The following KLHL36 variants were observed in gnomAD, a reference collection of about 807,000 sequenced individuals.
KLHL36 encodes the protein kelch like family member 36.
KLHL36 carries 35 observed loss-of-function variants against 53.3 expected under a neutral mutation model. The observed-to-expected ratio is 0.66, with a 90% CI of 0.50 to 0.87. KLHL36 has a LOEUF of 0.87. Ranked by LOEUF, KLHL36 falls within the 40% of genes least tolerant of loss-of-function variation. KLHL36 has a pLI of 0.00. For synonymous variants in KLHL36, 472 were observed against 398.9 expected (o/e 1.18, Z -2.18); for missense variants, 864 against 897.6 (o/e 0.96, Z 0.48).
rs777300951 is a variant in KLHL36, at chr16:84,657,318, A to G, written c.511A>G (p.Ile171Val). ...GCTTGATGCCTTCATCGATGGCTTC[A>G]TCCTGAACCACTTCGGCACGCTGTC... ...KRLDAFIDGF[I>V]LNHFGTLSFT... Residue 171 changes from isoleucine to valine, a missense_variant, in exon 3 of 5, where the codon ATC becomes GTC. Physicochemically the swap from Ile to Val is conservative, Grantham distance 29. Transcript: ENST00000564996. 6.2e-7 allele frequency: 1 copy of G among 1,613,768 alleles called. No individual in the cohort carries two copies. Among genetic ancestry groups the G allele is most frequent in the Non-Finnish European group, 8.5e-7 (1 of 1,180,034 alleles).
In KLHL36 at chr16:84,665,115, G is replaced by A. The variant is rs1005607445; in HGVS notation, c.*2982G>A. ...TTGAACCGCACAGTCACGAATGTGG[G>A]GTTTTAAACTAGAGTGATGAAGGCA... On this transcript the variant is annotated 3_prime_UTR_variant, in exon 5 of 5. Transcript: ENST00000564996. 1.3e-5 allele frequency: 2 copies of A among 152,184 alleles called. No homozygotes were observed. The highest frequency in any genetic ancestry group is 2.9e-5 in the Non-Finnish European group (2 of 68,038). The allele number at this position is 152,184 out of a possible 1,614,324, so 9.4% of individuals were successfully genotyped here. A position where few individuals can be genotyped will look rare whatever the true frequency, so the allele number is the denominator to read the frequency against.
At chr16:84,656,797 T>G in intron 2 of KLHL36, 74 bp from the exon 3 acceptor site, 1 of 1,010,110 alleles carries the variant, frequency 9.9e-7, no homozygotes, top group Non-Finnish European at 1.5e-6. Context: ...TTGAAAATGC[T>G]GGTCAGGACC....
intron 2 of KLHL36, among the ~76,000 whole-genome samples, chr16:84,651,681 AAT>A (rs1162927911): frequency 6.6e-6 from 1 of 152,136 alleles, no homozygotes; most frequent in Non-Finnish European, 1.5e-5. Flanking sequence ...ATGGATTCTC[AAT>A]GAGTATGATA....
At chr16:84,659,514 T>C (rs900459981) in intron 3 of KLHL36, 18 of 477,674 alleles carry the variant, frequency 3.8e-5, no homozygotes, top group Non-Finnish European at 6.8e-5. Flanking sequence ...GTTCAGAGCA[T>C]CTCCATCCCC....
At position 84,662,341 on chromosome 16, in the gene KLHL36, C is replaced by T; in HGVS notation, c.*208C>T. On this transcript the variant is annotated 3_prime_UTR_variant, in exon 5 of 5. Transcript: ENST00000564996. ...CTTGCTTGAATAACTAACCCTGGGCCCAGGCAGTGAGCAACCCCTTGTATC... is the reference window on the plus strand; with the variant it reads ...CTTGCTTGAATAACTAACCCTGGGCTCAGGCAGTGAGCAACCCCTTGTATC... 1 of 523,410 alleles carries T rather than the reference C, an allele frequency of 1.9e-6. No individual in the cohort carries two copies. Among genetic ancestry groups the T allele is most frequent in the Admixed American group, 3.4e-5 (1 of 29,650 alleles). 32.4% of individuals were successfully genotyped at this position (523,410 alleles called of 1,614,324 possible).
intron 2 of KLHL36, among the ~76,000 whole-genome samples, chr16:84,654,322 A>G (rs1242479610): frequency 6.6e-6 from 1 of 152,170 alleles, no homozygotes; most frequent in Admixed American, 6.5e-5. Flanking sequence ...CCTCCAGTCA[A>G]TGTCTGTAGA....
At position 84,657,233 on chromosome 16, in the gene KLHL36, G is replaced by A; in HGVS notation, c.426G>A (p.Glu142=). The A allele has an allele frequency of 1.2e-6, 2 of 1,614,194 alleles. No individual in the cohort carries two copies. The highest frequency in any genetic ancestry group is 1.3e-5 in the African/African-American group (1 of 75,064). Residue 142 remains glutamate, a synonymous_variant, in exon 3 of 5, where the codon GAG becomes GAA. Transcript: ENST00000564996. ...VDFCCEYLEQ[E]VSEDNYLYLQ... is the part of the protein sequence containing the mutation. ...TCTGCTGTGAGTACCTGGAGCAGGA[G>A]GTGAGCGAGGACAACTACCTGTACC...
At position 84,667,426 on chromosome 16, in the gene KLHL36, T is replaced by A. The variant is rs74775998; in HGVS notation, c.*5293T>A. Reference sequence around the variant, plus strand: ...ATTTGTTGCTTTTGTATTTGTAATTTTATGACATTTCGAAGTTTCTGTGTC... The same window carrying A: ...ATTTGTTGCTTTTGTATTTGTAATTATATGACATTTCGAAGTTTCTGTGTC... On this transcript the variant is annotated 3_prime_UTR_variant, in exon 5 of 5. Coordinates refer to ENST00000564996, the MANE Select transcript of KLHL36 (RefSeq NM_024731.4). 6.6e-6 allele frequency: 1 copy of A among 152,398 alleles called. No homozygotes were observed. Among genetic ancestry groups the A allele is most frequent in the African/African-American group, 2.4e-5 (1 of 41,594 alleles). 9.4% of individuals were successfully genotyped at this position (152,398 alleles called of 1,614,324 possible). A position where few individuals can be genotyped will look rare whatever the true frequency, so the allele number is the denominator to read the frequency against.
In KLHL36 at chr16:84,662,424, T is replaced by C; in HGVS notation, c.*291T>C. ...CATGGGTCCTTGCTGACTGTCCCCC[T>C]GAGAGTAGCTGGCACGTGGGTAACA... On this transcript the variant is annotated 3_prime_UTR_variant, in exon 5 of 5. Coordinates refer to ENST00000564996, the MANE Select transcript of KLHL36 (RefSeq NM_024731.4). The C allele has an allele frequency of 3.7e-6, 1 of 270,644 alleles. No homozygotes were observed. The highest frequency in any genetic ancestry group is 6.4e-5 in the East Asian group (1 of 15,656). The allele number at this position is 270,644 out of a possible 1,614,324, so 16.8% of individuals were successfully genotyped here.
chr16:84,664,453 T>C lies in KLHL36; in HGVS notation c.*2320T>C, dbSNP rs1036166295. The C allele has an allele frequency of 6.6e-6, 1 of 152,224 alleles. No individual in the cohort carries two copies. The highest frequency in any genetic ancestry group is 2.1e-4 in the South Asian group (1 of 4,832). 9.4% of individuals were successfully genotyped at this position (152,224 alleles called of 1,614,324 possible). On this transcript the variant is annotated 3_prime_UTR_variant, in exon 5 of 5. Transcript: ENST00000564996. ...CTTCTGGGACTTGTCCCTGGAAATG[T>C]GTGAGCTTCTGGCCTCTATTCTGAT...
rs1276740860 is a variant in KLHL36 at position 84,657,427 on chromosome 16, A to G, written c.620A>G (p.Glu207Gly). 6.2e-7 allele frequency: 1 copy of G among 1,606,082 alleles called. No individual in the cohort carries two copies. Among genetic ancestry groups the G allele is most frequent in the Non-Finnish European group, 8.5e-7 (1 of 1,179,956 alleles). Residue 207 changes from glutamate to glycine, a missense_variant, in exon 3 of 5, where the codon GAG becomes GGG. By Grantham distance (98) the Glu-to-Gly change is moderately conservative. Transcript: ENST00000564996. Reference sequence around the variant, plus strand: ...AGCAGCGAGGTGCAGCGGGAGTGTGAGCACGACCTCCTGCAGGCCGCCCTG... The same window carrying G: ...AGCAGCGAGGTGCAGCGGGAGTGTGGGCACGACCTCCTGCAGGCCGCCCTG... ...LSSSEVQREC[E>G]HDLLQAALQW...
intron 2 of KLHL36, among the ~76,000 whole-genome samples, chr16:84,651,264 G>T (rs1415574934): frequency 2.6e-5 from 4 of 152,122 alleles, no homozygotes; most frequent in Non-Finnish European, 5.9e-5. Context: ...CTGCTTGGGG[G>T]CTCAAAAACT....
chr16:84,661,672 C>T lies in KLHL36; in HGVS notation c.1390C>T (p.Leu464=). ...YQIGPYRKNL[L]CYDHRTDVWE... The stretch of plus-strand genomic sequence containing the variant: ...AATTGGCCCCTACCGCAAGAACCTG[C>T]TATGCTACGACCACCGGACAGACGT... Residue 464 remains leucine (L), a synonymous_variant, in exon 5 of 5, where the codon CTA becomes TTA. Transcript: ENST00000564996. This position sits in a 1 kb window ranked among gnomAD's most constrained non-coding sequence, Gnocchi z 7.9. The T allele has an allele frequency of 1.2e-6, 2 of 1,613,526 alleles. No homozygotes were observed. The highest frequency in any genetic ancestry group is 1.7e-6 in the Non-Finnish European group (2 of 1,179,936).
intron 2 of KLHL36, among the ~76,000 whole-genome samples, chr16:84,654,010 C>T (rs754073958): frequency 7.2e-5 from 11 of 152,184 alleles, no homozygotes; most frequent in African/African-American, 2.2e-4. Flanking sequence ...TGCTCTTGCC[C>T]CCTGCCCCAG....
At chr16:84,654,388 C>G (rs746250577) in intron 2 of KLHL36, among the ~76,000 whole-genome samples, 8 of 152,176 alleles carry the variant, frequency 5.3e-5, no homozygotes, top group Non-Finnish European at 1.0e-4. Flanking sequence ...TGGCTTATAC[C>G]TGTAATCCCA....
In KLHL36 at chr16:84,656,867, C is replaced by T. The variant is rs576861421; in HGVS notation, c.64-4C>T. 124 of 1,598,812 alleles carry T rather than the reference C, an allele frequency of 7.8e-5. 2 individuals carry two copies. The South Asian group carries it at 1.2e-3, about 15-fold the overall frequency. ...GCCGTTTCTAATGTGTCTTCTCTGT[C>T]CAGGTATACCGCTGGGCCGACCACT... is the stretch of plus-strand genomic sequence containing the variant. On this transcript the variant is annotated splice_region_variant and splice_polypyrimidine_tract_variant and intron_variant, in intron 2 of 4. Coordinates refer to ENST00000564996, the MANE Select transcript of KLHL36 (RefSeq NM_024731.4).
intron 2 of KLHL36, among the ~76,000 whole-genome samples, chr16:84,655,851 A>G (rs887195326): frequency 3.9e-5 from 6 of 151,966 alleles, no homozygotes; most frequent in African/African-American, 9.7e-5. Context: ...CCAGCTATCT[A>G]TGTGATAGTT....
chr16:84,652,100 T>C (rs1906921034), intron 2 of KLHL36, among the ~76,000 whole-genome samples: 1 of 152,146 alleles, frequency 6.6e-6, no homozygotes, highest in South Asian at 2.1e-4. Flanking sequence ...CAGAGAGGTC[T>C]CGCCGCTCGC....
At position 84,657,527 on chromosome 16, in the gene KLHL36, C is replaced by G. The variant is rs781523661; in HGVS notation, c.720C>G (p.Ile240Met). 4 of 1,609,996 alleles carry G rather than the reference C, an allele frequency of 2.5e-6. No homozygotes were observed. The East Asian group carries it at 6.7e-5, about 27-fold the overall frequency. The change falls in exon 3 of 5, where the codon ATC (isoleucine) becomes ATG (methionine). Residue 240 changes from isoleucine (I) to methionine (M), a missense_variant. Physicochemically the swap from Ile to Met is conservative, Grantham distance 10. Coordinates refer to ENST00000564996, the MANE Select transcript of KLHL36 (RefSeq NM_024731.4). ...TGGAGAACATCCACTTCCCGCTCAT[C>G]CCCAAGAACGACCTGCTGCACCGCG... ...QVLENIHFPL[I>M]PKNDLLHRVK...
Sources: gnomAD v4.1 joint callset for allele counts (sites outside exome capture counted in the v4.1 genomes callset) on GRCh38, gnomAD v4.1.1 for gene constraint, Gnocchi (gnomAD v3.1) non-coding constraint, MANE v1.5 for transcripts, NCBI Gene and HGNC (gene_info 2026-07-23, HGNC 2026-07-21) for gene names.